Variants in PITPNB observed in about 807,000 individuals in gnomAD.
PITPNB encodes phosphatidylinositol transfer protein beta.
Under a neutral mutation model 45.9 loss-of-function variants are expected in PITPNB, and 16 were observed. That is an observed-to-expected ratio of 0.35 (90% CI 0.24 to 0.53). The LOEUF (loss-of-function observed/expected upper bound fraction) is 0.53, where lower values mean the gene tolerates loss of function less well. Ranked by LOEUF, PITPNB falls within the 20% of genes least tolerant of loss-of-function variation. PITPNB has a pLI of 0.93. For missense variants in PITPNB, 188 were observed against 330.5 expected (o/e 0.57, Z 3.34); for synonymous variants, 112 against 108.9 (o/e 1.03, Z -0.18).
chr22:27,897,905 A>C lies in PITPNB; in HGVS notation c.198-13T>G. The C allele has an allele frequency of 6.4e-7, 1 of 1,556,752 alleles. No homozygotes were observed. The highest frequency in any genetic ancestry group is 8.9e-7 in the Non-Finnish European group (1 of 1,127,790). The stretch of plus-strand genomic sequence containing the variant: ...TGCAGGCACTTTGCTGGGAGAAGAG[A>C]GATACTGGATATATTTAACAGCACC... On this transcript the variant is annotated splice_polypyrimidine_tract_variant and intron_variant, in intron 3 of 11. Transcript: ENST00000335272.
rs528778195 is a variant in PITPNB at position 27,904,158 on chromosome 22, C to T, written c.198-6266G>A. Among the ~76,000 whole-genome samples, 4 of 152,220 alleles carry T rather than the reference C, an allele frequency of 2.6e-5. No individual in the cohort carries two copies. The East Asian group carries it at 7.7e-4, about 29-fold the overall frequency. ...TCTCCAAGAGAACTGAAAACATGTT[C>T]ACACACACACAAAAAAGTATGCACA... On this transcript the variant is annotated intron_variant, in intron 3 of 11. Coordinates refer to ENST00000335272, the MANE Select transcript of PITPNB (RefSeq NM_012399.5).
chr22:27,866,979 TTCTC>T (rs1310279020), intron 8 of PITPNB, among the ~76,000 whole-genome samples: 1 of 152,182 alleles, frequency 6.6e-6, no homozygotes, highest in African/African-American at 2.4e-5. Flanking sequence ...AACTCAGCTA[TTCTC>T]TCTATTTAGG....
At chr22:27,860,353 CAT>C (rs763934499) in intron 8 of PITPNB, 112 bp from the exon 9 acceptor site, 39 of 635,286 alleles carry the variant, frequency 6.1e-5, no homozygotes, top group South Asian at 1.6e-4. Context: ...ATTACAATCT[CAT>C]GTGTTTAATT....
chr22:27,890,757 T>C (rs1212955992), intron 7 of PITPNB, among the ~76,000 whole-genome samples: 7 of 152,152 alleles, frequency 4.6e-5, no homozygotes, highest in African/African-American at 1.7e-4. Flanking sequence ...GAGCTTGCAG[T>C]GAGCCGAGAT....
At chr22:27,905,326 T>C (rs1302346141) in intron 3 of PITPNB, among the ~76,000 whole-genome samples, 1 of 152,156 alleles carries the variant, frequency 6.6e-6, no homozygotes, top group Non-Finnish European at 1.5e-5. Flanking sequence ...TTTTTTGTAT[T>C]TTTAGTAGAG....
At chr22:27,907,949 T>TG (rs1935811394) in intron 3 of PITPNB, among the ~76,000 whole-genome samples, 1 of 151,460 alleles carries the variant, frequency 6.6e-6, no homozygotes, top group Non-Finnish European at 1.5e-5. Flanking sequence ...AATGGAGAAG[T>TG]TGTTCTAGAA....
chr22:27,867,514 T>C (rs1429324998), intron 8 of PITPNB, among the ~76,000 whole-genome samples: 1 of 152,202 alleles, frequency 6.6e-6, no homozygotes, highest in African/African-American at 2.4e-5. Context: ...TTACTGCCTG[T>C]GAGAGGATAA....
chr22:27,881,876 A>G (rs191427846), intron 7 of PITPNB, among the ~76,000 whole-genome samples: 19 of 152,322 alleles, frequency 1.2e-4, no homozygotes, highest in Admixed American at 1.1e-3. Flanking sequence ...AATACTAACA[A>G]CTTCACATGG....
chr22:27,910,960 T>G lies in PITPNB; in HGVS notation c.197+4A>C. 4 of 1,612,334 alleles carry G rather than the reference T, an allele frequency of 2.5e-6. No homozygotes were observed. Among genetic ancestry groups the G allele is most frequent in the Non-Finnish European group, 3.4e-6 (4 of 1,178,418 alleles). On this transcript the variant is annotated splice_donor_region_variant and intron_variant, in intron 3 of 11. Coordinates refer to ENST00000335272, the MANE Select transcript of PITPNB (RefSeq NM_012399.5). ...ACAAGGCGTCAAATGTGAACACCGC[T>G]TACCTCTTTAGGTGATAAATTTTGT...
At chr22:27,909,029 A>G (rs1321649470) in intron 3 of PITPNB, among the ~76,000 whole-genome samples, 1 of 152,148 alleles carries the variant, frequency 6.6e-6, no homozygotes, top group African/African-American at 2.4e-5. Flanking sequence ...TATAAAAAAA[A>G]TCTGATCATG....
intron 7 of PITPNB, among the ~76,000 whole-genome samples, chr22:27,887,078 G>A (rs940789159): frequency 2.6e-5 from 4 of 152,086 alleles, no homozygotes; most frequent in African/African-American, 9.7e-5. Context: ...TCATTTAAGG[G>A]AGAAAAGGTC....
chr22:27,893,582 CTTTTT>C (rs745878388), intron 7 of PITPNB, among the ~76,000 whole-genome samples: 9 of 74,032 alleles, frequency 1.2e-4, no homozygotes, highest in Non-Finnish European at 2.5e-5. Context: ...CATGTCTAGC[CTTTTT>C]TTTTTTTTTT....
chr22:27,866,386 G>T (rs1934485586), intron 8 of PITPNB, among the ~76,000 whole-genome samples: 1 of 152,162 alleles, frequency 6.6e-6, no homozygotes, highest in Non-Finnish European at 1.5e-5. Context: ...TGTGGATGAG[G>T]TCTTAGGGGG....
intron 8 of PITPNB, among the ~76,000 whole-genome samples, chr22:27,872,165 C>T (rs542046113): frequency 3.2e-4 from 43 of 134,466 alleles, no homozygotes; most frequent in Non-Finnish European, 5.5e-4. Flanking sequence ...GCAATCTTAG[C>T]TCACTGCAAC....
chr22:27,885,312 C>T (rs1935092660), intron 7 of PITPNB, among the ~76,000 whole-genome samples: 1 of 139,036 alleles, frequency 7.2e-6, no homozygotes, highest in South Asian at 2.4e-4. Context: ...TGAAGATATG[C>T]ATGTGCATTT....
chr22:27,856,314 C>A (rs1385615837), intron 10 of PITPNB, among the ~76,000 whole-genome samples: 17 of 152,180 alleles, frequency 1.1e-4, no homozygotes, highest in Non-Finnish European at 1.5e-5. Flanking sequence ...ACCTTCTTCT[C>A]GAGTGCAATT....
At chr22:27,863,125 T>C (rs1934387327) in intron 8 of PITPNB, among the ~76,000 whole-genome samples, 1 of 152,222 alleles carries the variant, frequency 6.6e-6, no homozygotes, top group Non-Finnish European at 1.5e-5. Context: ...TGGGTATATG[T>C]AGAATATGGC....
chr22:27,893,711 T>A (rs1191568634), intron 7 of PITPNB, among the ~76,000 whole-genome samples: 1 of 149,152 alleles, frequency 6.7e-6, no homozygotes, highest in Non-Finnish European at 1.5e-5. Context: ...TGTCTAAGCC[T>A]CCTCATGTAG....
intron 4 of PITPNB, 145 bp from the exon 5 acceptor site, chr22:27,897,282 A>G: frequency 1.4e-6 from 1 of 724,790 alleles, no homozygotes; most frequent in Non-Finnish European, 2.5e-6. Flanking sequence ...TATGTCTGCA[A>G]AACAGTTTCC....
Sources: allele counts gnomAD v4.1 joint callset (sites outside exome capture counted in the v4.1 genomes callset), GRCh38; gene constraint gnomAD v4.1.1; transcripts MANE v1.5; gene names NCBI Gene and HGNC (gene_info 2026-07-23, HGNC 2026-07-21).